SMCHD1: variants seen among roughly 807,000 people sequenced by gnomAD.
SMCHD1 encodes structural maintenance of chromosomes flexible hinge domain-containing protein 1.
SMCHD1 carries 78 observed loss-of-function variants against 254.7 expected under a neutral mutation model. That is an observed-to-expected ratio of 0.31 (90% CI 0.26 to 0.37). SMCHD1 has a LOEUF of 0.37. Among genes scored for constraint, SMCHD1 ranks in the 10% least tolerant of loss-of-function variants. SMCHD1 has a pLI of 1.00. For missense variants in SMCHD1, 1,840 were observed against 2,408.1 expected (o/e 0.76, Z 4.94); for synonymous variants, 766 against 794.9 (o/e 0.96, Z 0.61).
chr18:2,662,601 T>A (rs1201214853), intron 1 of SMCHD1, among the ~76,000 whole-genome samples: 2 of 139,614 alleles, frequency 1.4e-5, no homozygotes, highest in African/African-American at 5.5e-5. Context: ...GCTGAGATCG[T>A]GCCATTGCAC....
At chr18:2,769,228 C>T (rs2075931477) in intron 37 of SMCHD1, among the ~76,000 whole-genome samples, 1 of 152,026 alleles carries the variant, frequency 6.6e-6, no homozygotes, top group Non-Finnish European at 1.5e-5. Context: ...TGTTCTGTCA[C>T]CTGGGACTTT....
At chr18:2,755,592 G>A (rs1436875478) in intron 34 of SMCHD1, among the ~76,000 whole-genome samples, 1 of 128,596 alleles carries the variant, frequency 7.8e-6, no homozygotes, top group Non-Finnish European at 1.6e-5. Flanking sequence ...TTTTGAGATG[G>A]AGTCTTGCTC....
chr18:2,759,503 T>TGTG (rs773851910), intron 34 of SMCHD1, among the ~76,000 whole-genome samples: 29 of 148,202 alleles, frequency 2.0e-4, no homozygotes, highest in African/African-American at 7.1e-4. Flanking sequence ...TTTTTTTTTT[T>TGTG]TGTACAGCTG....
chr18:2,783,127 T>C, intron 44 of SMCHD1, among the ~76,000 whole-genome samples: 1 of 152,232 alleles, frequency 6.6e-6, no homozygotes. Flanking sequence ...ATATGTATAC[T>C]ATTTCATTGT....
chr18:2,704,038 C>G (rs1364141523), intron 13 of SMCHD1, among the ~76,000 whole-genome samples, 152 bp downstream of exon 13: 3 of 152,064 alleles, frequency 2.0e-5, no homozygotes, highest in Non-Finnish European at 4.4e-5. Flanking sequence ...TCAGACTCTT[C>G]ACAGGCCTGT....
At chr18:2,669,686 A>G (rs1268673971) in intron 3 of SMCHD1, among the ~76,000 whole-genome samples, 1 of 152,216 alleles carries the variant, frequency 6.6e-6, no homozygotes, top group African/African-American at 2.4e-5. Flanking sequence ...TTTTAGTTAA[A>G]TATTGAAAAT....
chr18:2,754,238 A>G (rs2075630344), intron 34 of SMCHD1, among the ~76,000 whole-genome samples: 1 of 152,188 alleles, frequency 6.6e-6, no homozygotes, highest in Non-Finnish European at 1.5e-5. Context: ...CATTTAGGTC[A>G]TCAACACATT....
In SMCHD1 at chr18:2,802,519, T is replaced by A; in HGVS notation, c.5994-9T>A. 1 of 1,549,534 alleles carries A rather than the reference T, an allele frequency of 6.5e-7. No homozygotes were observed. Among genetic ancestry groups the A allele is most frequent in the African/African-American group, 1.4e-5 (1 of 72,970 alleles). The stretch of plus-strand genomic sequence containing the variant: ...ACATAAAACTTTTTTTTCTTTCCCC[T>A]TTGACCAGGATTATAACCAAAACAG... On this transcript the variant is annotated splice_polypyrimidine_tract_variant and intron_variant, in intron 47 of 47. Transcript: ENST00000320876.
Position 2,751,270 on chromosome 18 carries a change from C to T in SMCHD1, c.4166-8C>T. ...AAAGAGATAATTTTTTAACGTTTAC[C>T]ATGACAGATTTTATGATTAGTGTTA... On this transcript the variant is annotated splice_region_variant and splice_polypyrimidine_tract_variant and intron_variant, in intron 32 of 47. Coordinates refer to ENST00000320876, the MANE Select transcript of SMCHD1 (RefSeq NM_015295.3). The T allele has an allele frequency of 6.8e-7, 1 of 1,473,950 alleles. No individual in the cohort carries two copies. The highest frequency in any genetic ancestry group is 9.3e-7 in the Non-Finnish European group (1 of 1,075,388). The allele number at this position is 1,473,950 out of a possible 1,614,324, so 91.3% of individuals were successfully genotyped here.
chr18:2,736,876 C>T (rs917777850), intron 25 of SMCHD1, among the ~76,000 whole-genome samples: 1 of 152,108 alleles, frequency 6.6e-6, no homozygotes, highest in Non-Finnish European at 1.5e-5. Flanking sequence ...ATCGTTTGAA[C>T]CAGCAATACC....
chr18:2,657,917 G>C (rs867398120), intron 1 of SMCHD1, among the ~76,000 whole-genome samples: 6 of 151,374 alleles, frequency 4.0e-5, no homozygotes, highest in African/African-American at 1.5e-4. Context: ...CAAGTAGCCA[G>C]GACTACAGGT....
chr18:2,665,403 C>T (rs1189462084), intron 1 of SMCHD1, among the ~76,000 whole-genome samples: 2 of 152,142 alleles, frequency 1.3e-5, no homozygotes, highest in East Asian at 1.9e-4. Flanking sequence ...TCACTGCAAC[C>T]TCCGCCTCCC....
intron 40 of SMCHD1, 44 bp downstream of exon 40, chr18:2,771,662 A>G: frequency 1.4e-6 from 2 of 1,390,474 alleles, no homozygotes; most frequent in Non-Finnish European, 1.9e-6. Flanking sequence ...ATTAAAGTCT[A>G]TTCTACAATT....
rs1416168725 is a variant in SMCHD1, at chr18:2,729,318, G to A, written c.2957G>A (p.Ser986Asn). 1.3e-6 allele frequency: 2 copies of A among 1,558,812 alleles called. No homozygotes were observed. The highest frequency in any genetic ancestry group is 2.0e-5 in the Admixed American group (1 of 50,076). Reference protein sequence around the residue: ...PNLPVYVVDCSSSGTSILTGS... With the variant: ...PNLPVYVVDCNSSGTSILTGS... ...CTTCCAGTCTATGTTGTAGATTGCAGTAGTTCTGGAACCAGTATTTTAACA... is the reference window on the plus strand; with the variant it reads ...CTTCCAGTCTATGTTGTAGATTGCAATAGTTCTGGAACCAGTATTTTAACA... Residue 986 changes from serine to asparagine, a missense_variant, in exon 24 of 48, where the codon AGT becomes AAT. Physicochemically the swap from Ser to Asn is conservative, Grantham distance 46 (BLOSUM62 1). Coordinates refer to ENST00000320876, the MANE Select transcript of SMCHD1 (RefSeq NM_015295.3).
intron 40 of SMCHD1, 122 bp downstream of exon 40, chr18:2,771,740 A>G: frequency 1.4e-6 from 1 of 692,826 alleles, no homozygotes; most frequent in Non-Finnish European, 2.2e-6. Flanking sequence ...GACGTGCATT[A>G]TCGTCACTAG....
chr18:2,774,094 C>G (rs2076027082), intron 41 of SMCHD1, among the ~76,000 whole-genome samples: 1 of 152,110 alleles, frequency 6.6e-6, no homozygotes, highest in Non-Finnish European at 1.5e-5. Context: ...AATCCCATCT[C>G]TAAATGAGGA....
chr18:2,673,205 G>GT, intron 3 of SMCHD1, 76 bp from the exon 4 acceptor site: 6 of 1,462,406 alleles, frequency 4.1e-6, no homozygotes, highest in Non-Finnish European at 4.6e-6. Flanking sequence ...GTACTTGATA[G>GT]TTTCTTCTTC....
chr18:2,776,130 T>C (rs1209056449), intron 42 of SMCHD1, among the ~76,000 whole-genome samples: 1 of 152,248 alleles, frequency 6.6e-6, no homozygotes, highest in Admixed American at 6.5e-5. Flanking sequence ...ATATTATTTG[T>C]ATATGTAATG....
At chr18:2,750,013 A>T (rs1275580681) in intron 30 of SMCHD1, 30 bp from the exon 31 acceptor site, 5 of 1,530,254 alleles carry the variant, frequency 3.3e-6, no homozygotes, top group Non-Finnish European at 4.4e-6. Flanking sequence ...GAATTTTCTA[A>T]TTAACCATTT....
Sources: gnomAD v4.1 joint callset for allele counts (sites outside exome capture counted in the v4.1 genomes callset) on GRCh38, gnomAD v4.1.1 for gene constraint, MANE v1.5 for transcripts, NCBI Gene and HGNC (gene_info 2026-07-23, HGNC 2026-07-21) for gene names.